CACNA1C: variants seen among roughly 807,000 people sequenced by gnomAD.
CACNA1C encodes calcium voltage-gated channel subunit alpha1 C.
In CACNA1C, 30 loss-of-function variants were observed where a neutral mutation model predicts 229.0. The ratio of observed to expected loss-of-function variants is 0.13; its 90% CI spans 0.10 to 0.18. The LOEUF is 0.18. Among genes scored for constraint, CACNA1C ranks in the 10% least tolerant of loss-of-function variants. CACNA1C has a pLI of 1.00. For synonymous variants in CACNA1C, 1,114 were observed against 1,132.5 expected (o/e 0.98, Z 0.33); for missense variants, 1,658 against 2,845.0 (o/e 0.58, Z 9.49).
intron 1 of CACNA1C, among the ~76,000 whole-genome samples, chr12:1,972,343 TATA>T (rs1220969375): frequency 2.0e-5 from 3 of 152,244 alleles, no homozygotes; most frequent in Non-Finnish European, 2.9e-5. Context: ...TTCATTCAAA[TATA>T]ATGTTTCTTG....
At chr12:2,219,381 A>G (rs2060841985) in intron 3 of CACNA1C, among the ~76,000 whole-genome samples, 1 of 152,148 alleles carries the variant, frequency 6.6e-6, no homozygotes, top group African/African-American at 2.4e-5. Context: ...TTCATTTACC[A>G]TTCAGAGGAC....
chr12:2,046,990 T>C (rs2051184577), intron 1 of CACNA1C, among the ~76,000 whole-genome samples: 1 of 152,224 alleles, frequency 6.6e-6, no homozygotes, highest in Non-Finnish European at 1.5e-5. Context: ...CTGCACCCTC[T>C]TCAGCTTTGC....
At chr12:1,986,544 C>T (rs2037837767) in intron 1 of CACNA1C, among the ~76,000 whole-genome samples, 1 of 152,162 alleles carries the variant, frequency 6.6e-6, no homozygotes, top group African/African-American at 2.4e-5. Flanking sequence ...CCACCATGAC[C>T]ACCACAGTGG....
At chr12:2,491,587 A>G (rs2099734478) in intron 6 of CACNA1C, among the ~76,000 whole-genome samples, 1 of 151,726 alleles carries the variant, frequency 6.6e-6, no homozygotes, top group African/African-American at 2.4e-5. Flanking sequence ...TTATAAGTCA[A>G]TAAAGCTGAT....
intron 3 of CACNA1C, among the ~76,000 whole-genome samples, chr12:2,174,552 G>T (rs557453197): frequency 6.6e-6 from 1 of 152,050 alleles, no homozygotes; most frequent in South Asian, 2.1e-4. Context: ...TTTCCCTCAA[G>T]ATTTTTTTTT....
intron 8 of CACNA1C, among the ~76,000 whole-genome samples, chr12:2,510,994 G>A (rs1255632890): frequency 1.3e-5 from 2 of 152,180 alleles, no homozygotes; most frequent in African/African-American, 4.8e-5. Flanking sequence ...AAGGAGCAAA[G>A]TTTCCCTCGC....
At chr12:2,257,378 G>A (rs977066707) in intron 3 of CACNA1C, among the ~76,000 whole-genome samples, 3 of 152,196 alleles carry the variant, frequency 2.0e-5, no homozygotes, top group African/African-American at 7.2e-5. Context: ...CAGTTTCGTG[G>A]AAGACAATTT....
At chr12:2,441,952 G>A (rs757761467) in intron 3 of CACNA1C, among the ~76,000 whole-genome samples, 8 of 152,144 alleles carry the variant, frequency 5.3e-5, no homozygotes, top group Non-Finnish European at 1.0e-4. Context: ...CACCTGTCCC[G>A]AAGCCCTCTG....
intron 3 of CACNA1C, among the ~76,000 whole-genome samples, chr12:2,274,185 G>C (rs973911114): frequency 1.3e-5 from 2 of 152,190 alleles, no homozygotes; most frequent in African/African-American, 4.8e-5. Flanking sequence ...CCATTTCTAA[G>C]CTGGACGTCC....
At chr12:2,612,048 A>T (rs1373332804) in intron 29 of CACNA1C, 35 bp downstream of exon 29, 1 of 1,275,586 alleles carries the variant, frequency 7.8e-7, no homozygotes, top group Non-Finnish European at 1.1e-6. Flanking sequence ...ATTCCCAGGC[A>T]TCAGGGGTGG....
At chr12:2,509,196 C>A (rs2099778163) in intron 8 of CACNA1C, among the ~76,000 whole-genome samples, 1 of 152,192 alleles carries the variant, frequency 6.6e-6, no homozygotes, top group Non-Finnish European at 1.5e-5. Context: ...GGAAGTATCG[C>A]TGGACCATGG....
chr12:2,070,297 C>T (rs1045064057), intron 1 of CACNA1C, among the ~76,000 whole-genome samples: 4 of 152,146 alleles, frequency 2.6e-5, no homozygotes, highest in Non-Finnish European at 4.4e-5. Flanking sequence ...AGTCTTAAAT[C>T]GGGGATGCTT....
rs2099785804 is a variant in CACNA1C at position 2,512,193 on chromosome 12, G to T, written c.1218-619G>T. Among the ~76,000 whole-genome samples the T allele has an allele frequency of 2.0e-5, 3 of 152,126 alleles. No homozygotes were observed. In the South Asian group the frequency reaches 6.2e-4, roughly 32 times the overall value. On this transcript the variant is annotated intron_variant, in intron 8 of 46. Transcript: ENST00000399655. The surrounding 1 kb of genome is among the most constrained non-coding windows in gnomAD (Gnocchi z 4.3). Reference sequence around the variant, plus strand: ...TTGGCTCTCTATGGGGAAAGCCCTGGTTTTCAGCATTTGCCAGTTACCATG... The same window carrying T: ...TTGGCTCTCTATGGGGAAAGCCCTGTTTTTCAGCATTTGCCAGTTACCATG...
rs2096840389 is a variant in CACNA1C, at chr12:2,181,514, A to G, written c.477+61084A>G. Among the ~76,000 whole-genome samples, 1 of 152,154 alleles carries G rather than the reference A, an allele frequency of 6.6e-6. No individual in the cohort carries two copies. The highest frequency in any genetic ancestry group is 6.5e-5 in the Admixed American group (1 of 15,278). On this transcript the variant is annotated intron_variant, in intron 3 of 46. Transcript: ENST00000399655. This position sits in a 1 kb window ranked among gnomAD's most constrained non-coding sequence, Gnocchi z 4.0. ...CAGTTGCTGAAAGGCGTAATAGGGG[A>G]GCGCAGATTTGAGGGTCATGCCCAT... is the stretch of plus-strand genomic sequence containing the variant.
chr12:2,105,050 C>T (rs1334106605), intron 1 of CACNA1C, among the ~76,000 whole-genome samples: 11 of 152,164 alleles, frequency 7.2e-5, no homozygotes, highest in African/African-American at 1.2e-4. Flanking sequence ...TTGTGGTCAT[C>T]GCAGGTGGTT....
At chr12:2,337,397 G>A (rs371387432) in intron 3 of CACNA1C, among the ~76,000 whole-genome samples, 1 of 152,180 alleles carries the variant, frequency 6.6e-6, no homozygotes, top group African/African-American at 2.4e-5. Flanking sequence ...TTCTCTGGGC[G>A]TGAGCCTGAG....
rs2053769832 is a variant in CACNA1C at position 2,054,425 on chromosome 12, AG to A, written c.49+817del. ...TTTCGTGTTTGAAGGAGATCATGAA[AG>A]GGTGTGCCTGGCTCACGCGGCTCCA... On this transcript the variant is annotated intron_variant, in intron 1 of 46. Transcript: ENST00000399655. This position sits in a 1 kb window ranked among gnomAD's most constrained non-coding sequence, Gnocchi z 5.5. Among the ~76,000 whole-genome samples the A allele has an allele frequency of 6.6e-6, 1 of 152,154 alleles. No homozygotes were observed. Among genetic ancestry groups the A allele is most frequent in the Admixed American group, 6.5e-5 (1 of 15,284 alleles).
At chr12:2,576,553 G>A (rs1430843463) in intron 13 of CACNA1C, among the ~76,000 whole-genome samples, 1 of 152,114 alleles carries the variant, frequency 6.6e-6, no homozygotes, top group Non-Finnish European at 1.5e-5. Flanking sequence ...TTTGACCAAT[G>A]AGGAAAAAAG....
At chr12:2,343,737 A>G (rs1478501112) in intron 3 of CACNA1C, among the ~76,000 whole-genome samples, 1 of 152,154 alleles carries the variant, frequency 6.6e-6, no homozygotes, top group Admixed American at 6.6e-5. Context: ...TGCTTCCTGG[A>G]AAAGACGGAT....
Sources: allele counts gnomAD v4.1 joint callset (sites outside exome capture counted in the v4.1 genomes callset), GRCh38; gene constraint gnomAD v4.1.1; non-coding constraint Gnocchi (gnomAD v3.1); transcripts MANE v1.5; gene names NCBI Gene and HGNC (gene_info 2026-07-23, HGNC 2026-07-21).